Variants in ZNF589 observed in about 807,000 individuals in gnomAD.
ZNF589 encodes the protein KRAB-zinc finger protein SZF1-1.
Under a neutral mutation model 13.6 loss-of-function variants are expected in ZNF589, and 17 were observed. The ratio of observed to expected loss-of-function variants is 1.25; its 90% CI spans 0.86 to 1.88. The LOEUF is 1.88. Ranked by LOEUF, ZNF589 falls within the 40% of genes most tolerant of loss-of-function variation. ZNF589 has a pLI of 0.00. For missense variants in ZNF589, 407 were observed against 434.0 expected (o/e 0.94, Z 0.55); for synonymous variants, 148 against 161.6 (o/e 0.92, Z 0.64).
intron 1 of ZNF589, among the ~76,000 whole-genome samples, chr3:48,244,838 GTTT>G (rs2033743082): frequency 6.7e-6 from 1 of 150,174 alleles, no homozygotes; most frequent in Non-Finnish European, 1.5e-5. Context: ...TTGAGATGGA[GTTT>G]TTTACTCTTG....
intron 2 of ZNF589, among the ~76,000 whole-genome samples, chr3:48,255,487 CTTTTTT>C (rs1230659894): frequency 8.5e-5 from 7 of 82,786 alleles, no homozygotes; most frequent in Admixed American, 4.4e-4. Context: ...AGAGTTTTTA[CTTTTTT>C]TTTTTTTTTT....
chr3:48,254,032 T>C lies in ZNF589; in HGVS notation c.96+6355T>C, dbSNP rs996093793. ...TTGAGCTCAGGAGTTTAAGGCTACA[T>C]TGAGCTATTATTATGCCACTGTACT... is the stretch of plus-strand genomic sequence containing the variant. On this transcript the variant is annotated intron_variant, in intron 2 of 3. Transcript: ENST00000354698. Among the ~76,000 whole-genome samples the C allele has an allele frequency of 3.9e-5, 6 of 151,958 alleles. No individual in the cohort carries two copies. In the South Asian group the frequency reaches 1.2e-3, roughly 31 times the overall value.
At position 48,270,325 on chromosome 3, in the gene ZNF589, C is replaced by A; in HGVS notation, c.*1539C>A. ...CAGACTCAGGACTTAAACATAGCCACGCCACCTTGGCCTTCAATGACAGGG... is the reference window on the plus strand; with the variant it reads ...CAGACTCAGGACTTAAACATAGCCAAGCCACCTTGGCCTTCAATGACAGGG... On this transcript the variant is annotated 3_prime_UTR_variant, in exon 4 of 4. Coordinates refer to ENST00000354698, the MANE Select transcript of ZNF589 (RefSeq NM_016089.3). 2.3e-6 allele frequency: 1 copy of A among 428,176 alleles called. No homozygotes were observed. Among genetic ancestry groups the A allele is most frequent in the Non-Finnish European group, 4.7e-6 (1 of 212,440 alleles). 26.5% of individuals were successfully genotyped at this position (428,176 alleles called of 1,614,324 possible).
At chr3:48,251,426 G>A (rs9311420) in intron 2 of ZNF589, among the ~76,000 whole-genome samples, 8,466 of 149,168 alleles carry the variant, frequency 0.057, 780 homozygotes, top group African/African-American at 0.19. Flanking sequence ...TGGGCGTGGC[G>A]ATGCGTACCT....
intron 3 of ZNF589, among the ~76,000 whole-genome samples, chr3:48,264,694 T>C (rs2034001610): frequency 6.6e-6 from 1 of 151,894 alleles, no homozygotes; most frequent in Non-Finnish European, 1.5e-5. Context: ...CTGGGCATGG[T>C]GGCACACGCC....
chr3:48,264,697 C>T (rs1422422660), intron 3 of ZNF589, among the ~76,000 whole-genome samples: 1 of 151,932 alleles, frequency 6.6e-6, no homozygotes, highest in Non-Finnish European at 1.5e-5. Flanking sequence ...GGCATGGTGG[C>T]ACACGCCTGT....
rs753618066 is a variant in ZNF589, at chr3:48,268,045, A to G, written c.354A>G (p.Pro118=). The change falls in exon 4 of 4, where the codon CCA becomes CCG. Residue 118 remains proline, a synonymous_variant. Transcript: ENST00000354698. ...PGFHAGNQLH[P]GNPCPEDQPQ... The stretch of plus-strand genomic sequence containing the variant: ...TCCATGCAGGAAATCAACTCCACCC[A>G]GGAAATCCCTGCCCAGAGGATCAGC... The G allele has an allele frequency of 1.9e-6, 3 of 1,614,224 alleles. No homozygotes were observed. Among genetic ancestry groups the G allele is most frequent in the East Asian group, 2.2e-5 (1 of 44,888 alleles).
At chr3:48,266,526 G>A (rs1018616812) in intron 3 of ZNF589, among the ~76,000 whole-genome samples, 1 of 152,192 alleles carries the variant, frequency 6.6e-6, no homozygotes, top group Non-Finnish European at 1.5e-5. Context: ...GTGGGAGTGG[G>A]TGACTAAAGC....
Position 48,267,935 on chromosome 3 carries a change from C to T in ZNF589, c.244C>T (p.His82Tyr), listed in dbSNP as rs1325942239. The T allele has an allele frequency of 1.2e-6, 2 of 1,611,082 alleles. No homozygotes were observed. The highest frequency in any genetic ancestry group is 1.1e-5 in the South Asian group (1 of 91,018). The change falls in exon 4 of 4, where the codon CAT becomes TAT. Residue 82 changes from histidine to tyrosine, a missense_variant. Coordinates refer to ENST00000354698, the MANE Select transcript of ZNF589 (RefSeq NM_016089.3). Reference protein sequence around the residue: ...VSLAESKPEVHTCPSCPLAFG... With the variant: ...VSLAESKPEVYTCPSCPLAFG... ...TTCAGCAGAATCAAAGCCAGAAGTC[C>T]ATACCTGCCCTTCTTGCCCTCTGGC...
chr3:48,266,502 C>A (rs751563185), intron 3 of ZNF589, among the ~76,000 whole-genome samples: 1 of 152,162 alleles, frequency 6.6e-6, no homozygotes, highest in Admixed American at 6.6e-5. Context: ...AATCAGGAAT[C>A]GAAGAATGTG....
At chr3:48,261,608 C>T (rs2033970052) in intron 3 of ZNF589, among the ~76,000 whole-genome samples, 1 of 152,182 alleles carries the variant, frequency 6.6e-6, no homozygotes, top group African/African-American at 2.4e-5. Flanking sequence ...AAACTGATTA[C>T]TAGGTTAGCA....
chr3:48,260,124 A>C (rs13068265), intron 2 of ZNF589, among the ~76,000 whole-genome samples: 32,850 of 152,074 alleles, frequency 0.22, 4,418 homozygotes, highest in Non-Finnish European at 0.3. Flanking sequence ...AGAGACTTGA[A>C]GATGAAAAAG....
intron 1 of ZNF589, among the ~76,000 whole-genome samples, chr3:48,242,102 C>G (rs563626571): frequency 2.6e-5 from 4 of 151,398 alleles, no homozygotes; most frequent in African/African-American, 9.7e-5. Context: ...GTTAGCCACC[C>G]CACCCGGCCC....
rs1372886615 is a variant in ZNF589, at chr3:48,268,692, G to C, written c.1001G>C (p.Cys334Ser). 8.7e-6 allele frequency: 14 copies of C among 1,614,112 alleles called. No homozygotes were observed. Among genetic ancestry groups the C allele is most frequent in the Non-Finnish European group, 1.1e-5 (13 of 1,180,054 alleles). ...CACACAAGGGAGAAATCGTTTATGT[G>C]CACAGTGTGTGGGCGAGGCTTTCGT... The part of the protein sequence containing the change: ...RTHTREKSFM[C>S]TVCGRGFREK... The change falls in exon 4 of 4, where the codon TGC becomes TCC. Residue 334 changes from cysteine (C) to serine (S), a missense_variant. Cys to Ser is a moderately radical substitution (Grantham distance 112). Coordinates refer to ENST00000354698, the MANE Select transcript of ZNF589 (RefSeq NM_016089.3).
Position 48,260,890 on chromosome 3 carries a change from C to G in ZNF589, c.174C>G (p.Asn58Lys). Residue 58 changes from asparagine (N) to lysine (K), a missense_variant, in exon 3 of 4, where the codon AAC (asparagine) becomes AAG (lysine). Transcript: ENST00000354698. ...EWKRLSLEQR[N>K]LYKEVMLENL... ...AGAGACTGAGCCTTGAGCAGAGGAA[C>G]CTATACAAAGAAGTGATGCTGGAAA... 1.2e-6 allele frequency: 2 copies of G among 1,614,122 alleles called. No individual in the cohort carries two copies. Among genetic ancestry groups the G allele is most frequent in the Non-Finnish European group, 1.7e-6 (2 of 1,180,016 alleles).
intron 2 of ZNF589, among the ~76,000 whole-genome samples, chr3:48,249,152 G>T (rs1289282169): frequency 1.3e-5 from 2 of 151,474 alleles, no homozygotes; most frequent in Non-Finnish European, 2.9e-5. Context: ...GCCCAGGCTG[G>T]AGTGCAATGG....
chr3:48,242,118 AC>A (rs1050752376), intron 1 of ZNF589, among the ~76,000 whole-genome samples: 3 of 148,020 alleles, frequency 2.0e-5, no homozygotes, highest in African/African-American at 7.5e-5. Context: ...GGCCCAAAAG[AC>A]TTTTTTTTTG....
rs560582176 is a variant in ZNF589 at position 48,270,093 on chromosome 3, G to A, written c.*1307G>A. The stretch of plus-strand genomic sequence containing the variant: ...CATCTGACTACTTCCTTCTGCAACT[G>A]TGTTCTTCCATTAGCTTCCATGACA... On this transcript the variant is annotated 3_prime_UTR_variant, in exon 4 of 4. Transcript: ENST00000354698. 15 of 457,154 alleles carry A rather than the reference G, an allele frequency of 3.3e-5. No homozygotes were observed. The highest frequency in any genetic ancestry group is 2.0e-4 in the South Asian group (13 of 64,568). The allele number at this position is 457,154 out of a possible 1,614,324, so 28.3% of individuals were successfully genotyped here. A position where few individuals can be genotyped will look rare whatever the true frequency, so the allele number is the denominator to read the frequency against.
intron 3 of ZNF589, among the ~76,000 whole-genome samples, chr3:48,263,594 A>T (rs1269427721): frequency 1.3e-5 from 2 of 152,100 alleles, no homozygotes; most frequent in Non-Finnish European, 2.9e-5. Context: ...TACAAAACAA[A>T]AACAAAAACA....
Sources: allele counts gnomAD v4.1 joint callset (sites outside exome capture counted in the v4.1 genomes callset), GRCh38; gene constraint gnomAD v4.1.1; transcripts MANE v1.5; gene names NCBI Gene and HGNC (gene_info 2026-07-23, HGNC 2026-07-21).